Variants in ZNF566 observed in about 807,000 individuals in gnomAD.
ZNF566 encodes zinc finger protein 566.
Under a neutral mutation model 32.8 loss-of-function variants are expected in ZNF566, and 27 were observed. The ratio of observed to expected loss-of-function variants is 0.82; its 90% CI spans 0.61 to 1.14. ZNF566 has a LOEUF of 1.14. Among genes scored for constraint, ZNF566 ranks in the 50% most tolerant of loss-of-function variants. ZNF566 has a pLI of 0.00. For synonymous variants in ZNF566, 154 were observed against 159.5 expected, an observed-to-expected ratio of 0.97 and a Z score of 0.26; for missense variants, 402 against 490.4, an observed-to-expected ratio of 0.82 and a Z score of 1.70.
At chr19:36,456,185 A>C (rs2033304982) in intron 4 of ZNF566, among the ~76,000 whole-genome samples, 1 of 152,078 alleles carries the variant, frequency 6.6e-6, no homozygotes, top group East Asian at 1.9e-4. Flanking sequence ...TAAAATACTT[A>C]GGAAAAAATT....
chr19:36,448,798 C>T lies in ZNF566; in HGVS notation c.*179G>A. 2 of 531,578 alleles carry T rather than the reference C, an allele frequency of 3.8e-6. No homozygotes were observed. Among genetic ancestry groups the T allele is most frequent in the East Asian group, 3.2e-5 (1 of 31,580 alleles). 32.9% of individuals were successfully genotyped at this position (531,578 alleles called of 1,614,324 possible). On this transcript the variant is annotated 3_prime_UTR_variant, in exon 5 of 5. Coordinates refer to ENST00000452939, the MANE Select transcript of ZNF566 (RefSeq NM_001145344.1). ...GAAGTAAGCGTTTAGTTAAGGGCTTCCAAAGTATATTCTATTCATAGAGTA... is the reference window on the plus strand; with the variant it reads ...GAAGTAAGCGTTTAGTTAAGGGCTTTCAAAGTATATTCTATTCATAGAGTA...
intron 4 of ZNF566, among the ~76,000 whole-genome samples, chr19:36,453,288 C>G (rs1343033542): frequency 6.6e-6 from 1 of 151,202 alleles, no homozygotes; most frequent in Non-Finnish European, 1.5e-5. Flanking sequence ...TCCTGGCCAA[C>G]ATTGTGAAAC....
At position 36,449,751 on chromosome 19, in the gene ZNF566, C is replaced by T. The variant is rs145333255; in HGVS notation, c.483G>A (p.Gln161=). The change falls in exon 5 of 5, where the codon CAG becomes CAA. Residue 161 remains glutamine, a synonymous_variant. Transcript: ENST00000452939. ...ATTTCTTTTTACTGTTAATGATTTG[C>T]TGTAATGTGAAGGATGGATGGTGAC... ...TLSHHPSFTL[Q]QIINSKKKFC... is the part of the protein sequence containing the mutation. 2 of 1,613,942 alleles carry T rather than the reference C, an allele frequency of 1.2e-6. No homozygotes were observed. Among genetic ancestry groups the T allele is most frequent in the African/African-American group, 2.7e-5 (2 of 74,898 alleles).
At position 36,455,696 on chromosome 19, in the gene ZNF566, T is replaced by C. The variant is rs190599079; in HGVS notation, c.233-5695A>G. On this transcript the variant is annotated intron_variant, in intron 4 of 4. Coordinates refer to ENST00000452939, the MANE Select transcript of ZNF566 (RefSeq NM_001145344.1). ...TGGAGGTTGCAGCGAGCCAAGATCATGCCACTGCACTCCAGCCTGGGTGAC... is the reference window on the plus strand; with the variant it reads ...TGGAGGTTGCAGCGAGCCAAGATCACGCCACTGCACTCCAGCCTGGGTGAC... Among the ~76,000 whole-genome samples, 173 of 152,004 alleles carry C rather than the reference T, an allele frequency of 1.1e-3. 3 individuals are homozygous for C. In the East Asian group the frequency reaches 0.02, roughly 17 times the overall value.
At chr19:36,468,923 A>C (rs1228426751) in intron 4 of ZNF566, among the ~76,000 whole-genome samples, 1 of 151,682 alleles carries the variant, frequency 6.6e-6, no homozygotes, top group African/African-American at 2.4e-5. Context: ...TCAAAAAAAA[A>C]AGTAAAAGCA....
At chr19:36,487,897 CAAAAAAAAAAAA>C (rs201784748) in intron 1 of ZNF566, among the ~76,000 whole-genome samples, 6 of 75,526 alleles carry the variant, frequency 7.9e-5, no homozygotes, top group South Asian at 5.5e-4. Context: ...GACTCTGTCT[CAAAAAAAAAAAA>C]AAAAAAAAAA....
intron 1 of ZNF566, among the ~76,000 whole-genome samples, chr19:36,487,303 GCCTAC>G (rs1311591173): frequency 6.6e-6 from 1 of 151,996 alleles, no homozygotes; most frequent in African/African-American, 2.4e-5. Context: ...TTAAACATTA[GCCTAC>G]CCTATGATCT....
intron 4 of ZNF566, among the ~76,000 whole-genome samples, chr19:36,455,784 TA>T (rs2033289764): frequency 6.6e-6 from 1 of 150,836 alleles, no homozygotes; most frequent in East Asian, 2.0e-4. Context: ...CTTATGCCTG[TA>T]ATCCCAGCAC....
intron 4 of ZNF566, among the ~76,000 whole-genome samples, chr19:36,457,667 G>A (rs1317349766): frequency 6.6e-6 from 1 of 152,138 alleles, no homozygotes; most frequent in Non-Finnish European, 1.5e-5. Flanking sequence ...CGAGGTGGGT[G>A]GATCACTTGA....
chr19:36,485,613 T>A (rs1022673266), intron 1 of ZNF566, among the ~76,000 whole-genome samples: 33 of 150,204 alleles, frequency 2.2e-4, no homozygotes, highest in Admixed American at 2.0e-4. Flanking sequence ...AATACAAAAA[T>A]CAGCCGGGGG....
intron 4 of ZNF566, among the ~76,000 whole-genome samples, chr19:36,452,880 G>A (rs1332532872): frequency 6.6e-6 from 1 of 152,078 alleles, no homozygotes; most frequent in African/African-American, 2.4e-5. Context: ...AGCACTTTGG[G>A]AGGCCAAAGC....
At chr19:36,476,204 G>A (rs1244033485) in intron 2 of ZNF566, 2 of 171,672 alleles carry the variant, frequency 1.2e-5, no homozygotes, top group African/African-American at 2.4e-5. Context: ...TACTCAGGAG[G>A]CTGAAGTAGG....
At chr19:36,452,817 AG>A (rs1212158240) in intron 4 of ZNF566, among the ~76,000 whole-genome samples, 1 of 152,164 alleles carries the variant, frequency 6.6e-6, no homozygotes, top group African/African-American at 2.4e-5. Flanking sequence ...TTTTAACTCT[AG>A]TATAAAAGTT....
chr19:36,453,979 A>C (rs1409710212), intron 4 of ZNF566, among the ~76,000 whole-genome samples: 2 of 152,136 alleles, frequency 1.3e-5, no homozygotes, highest in African/African-American at 4.8e-5. Context: ...ACCTGCCACC[A>C]CACCTGGCTA....
In ZNF566 at chr19:36,448,912, C is replaced by T. The variant is rs1353853771; in HGVS notation, c.*65G>A. ...TTATTCTATCTAGAGGAATTATTAA[C>T]AAGATAAATTCTGTTTTGAGCCATA... is the stretch of plus-strand genomic sequence containing the variant. On this transcript the variant is annotated 3_prime_UTR_variant, in exon 5 of 5. Coordinates refer to ENST00000452939, the MANE Select transcript of ZNF566 (RefSeq NM_001145344.1). 1 of 1,310,876 alleles carries T rather than the reference C, an allele frequency of 7.6e-7. No homozygotes were observed. The highest frequency in any genetic ancestry group is 1.0e-6 in the Non-Finnish European group (1 of 965,346). The allele number at this position is 1,310,876 out of a possible 1,614,324, so 81.2% of individuals were successfully genotyped here.
In ZNF566 at chr19:36,489,471, C is replaced by T. The variant is rs2034256701; in HGVS notation, c.-60+15G>A. The T allele has an allele frequency of 3.3e-6, 1 of 304,632 alleles. No homozygotes were observed. Among genetic ancestry groups the T allele is most frequent in the African/African-American group, 2.2e-5 (1 of 45,326 alleles). The allele number at this position is 304,632 out of a possible 1,614,324, so 18.9% of individuals were successfully genotyped here. On this transcript the variant is annotated intron_variant, in intron 1 of 4. Transcript: ENST00000452939. ...CGGCCCCGCCCTCTCCCGGGTTTCT[C>T]ACCTCAGGCCTTACCAGCTTTCGAA...
Position 36,489,085 on chromosome 19 carries a change from CCA to C in ZNF566, c.-60+399_-60+400del, listed in dbSNP as rs564459251. On this transcript the variant is annotated intron_variant, in intron 1 of 4. Transcript: ENST00000452939. Reference sequence around the variant, plus strand: ...AGTCACGATCACACATTAACCACAGCCACACACACAGATAGAAACATGCAGTT... The same window carrying C: ...AGTCACGATCACACATTAACCACAGCCACACACAGATAGAAACATGCAGTT... 2.7e-3 allele frequency among the ~76,000 whole-genome samples: 414 copies of C among 152,244 alleles called. 3 individuals carry two copies. The highest frequency in any genetic ancestry group is 9.4e-3 in the African/African-American group (391 of 41,550).
rs966949793 is a variant in ZNF566, at chr19:36,476,672, C to G, written c.-59-56G>C. 2.9e-5 allele frequency: 41 copies of G among 1,417,786 alleles called. No individual in the cohort carries two copies. The African/African-American group carries it at 5.0e-4, about 17-fold the overall frequency. The allele number at this position is 1,417,786 out of a possible 1,614,324, so 87.8% of individuals were successfully genotyped here. On this transcript the variant is annotated intron_variant, in intron 1 of 4. Coordinates refer to ENST00000452939, the MANE Select transcript of ZNF566 (RefSeq NM_001145344.1). ...CCCACTTTCCTCACAGCTCCTGGCC[C>G]AGAATGATCATTTTCCTTCTGTTCA... is the stretch of plus-strand genomic sequence containing the variant.
At chr19:36,489,437 C>A (rs569943568) in intron 1 of ZNF566, 49 bp downstream of exon 1, 5 of 304,424 alleles carry the variant, frequency 1.6e-5, no homozygotes, top group Middle Eastern at 1.2e-3. Flanking sequence ...AAAGCCGAGG[C>A]TTGGCCCCCG....
Sources: allele counts gnomAD v4.1 joint callset (sites outside exome capture counted in the v4.1 genomes callset), GRCh38; gene constraint gnomAD v4.1.1; transcripts MANE v1.5; gene names NCBI Gene and HGNC (gene_info 2026-07-23, HGNC 2026-07-21).